YAP1: variants seen among roughly 807,000 people sequenced by gnomAD.
The protein encoded by YAP1 is Yes1 associated transcriptional regulator, also known as transcriptional coactivator YAP1.
Under a neutral mutation model 56.9 loss-of-function variants are expected in YAP1, and 5 were observed. The observed-to-expected ratio is 0.09, with a 90% CI of 0.05 to 0.18. The LOEUF is 0.18. Ranked by LOEUF, YAP1 falls within the 10% of genes least tolerant of loss-of-function variation. The pLI, the probability that YAP1 is intolerant of heterozygous loss-of-function variation, is 1.00. For missense variants in YAP1, 539 were observed against 651.8 expected, an observed-to-expected ratio of 0.83 and a Z score of 1.88; for synonymous variants, 265 against 248.1, an observed-to-expected ratio of 1.07 and a Z score of -0.64.
At chr11:102,174,070 A>G (rs1459463071) in intron 3 of YAP1, among the ~76,000 whole-genome samples, 4 of 152,142 alleles carry the variant, frequency 2.6e-5, no homozygotes, top group African/African-American at 4.8e-5. Flanking sequence ...ATTTCTAACA[A>G]TTTTCTGGTG....
chr11:102,224,165 C>G (rs1056105900), intron 7 of YAP1, among the ~76,000 whole-genome samples: 17 of 152,196 alleles, frequency 1.1e-4, no homozygotes, highest in Admixed American at 6.5e-5. Context: ...AAACGTTTCA[C>G]CCAGCAGCAC....
intron 3 of YAP1, among the ~76,000 whole-genome samples, chr11:102,180,990 A>C (rs545307658): frequency 1.3e-5 from 2 of 151,894 alleles, no homozygotes; most frequent in South Asian, 4.2e-4. Context: ...CTACAGAAAA[A>C]TTTAAAAAAT....
intron 3 of YAP1, among the ~76,000 whole-genome samples, chr11:102,166,619 C>T (rs1591295629): frequency 6.6e-6 from 1 of 152,196 alleles, no homozygotes; most frequent in Non-Finnish European, 1.5e-5. Flanking sequence ...AGAAAAGTTT[C>T]ACCCTGAAGG....
At chr11:102,187,556 G>A (rs1033012884) in intron 4 of YAP1, among the ~76,000 whole-genome samples, 1 of 152,138 alleles carries the variant, frequency 6.6e-6, no homozygotes, top group African/African-American at 2.4e-5. Context: ...AATGAATTCA[G>A]TTTCTCCACA....
In YAP1 at chr11:102,114,254, C is replaced by G. The variant is rs764097881; in HGVS notation, c.432C>G (p.Pro144=). ...LGAVSPGTLT[P]TGVVSGPAAT... is the part of the protein sequence containing the mutation. The stretch of plus-strand genomic sequence containing the variant: ...CTGTTTCTCCTGGGACACTGACCCC[C>G]ACTGGAGTAGTCTCTGGCCCAGCAG... The change falls in exon 2 of 9, where the codon CCC becomes CCG. Residue 144 remains proline, a synonymous_variant. Coordinates refer to ENST00000282441, the MANE Select transcript of YAP1 (RefSeq NM_001130145.3). 6.2e-7 allele frequency: 1 copy of G among 1,614,186 alleles called. No individual in the cohort carries two copies. Among genetic ancestry groups the G allele is most frequent in the South Asian group, 1.1e-5 (1 of 91,082 alleles).
intron 2 of YAP1, among the ~76,000 whole-genome samples, chr11:102,144,878 ATACACACACTCATGCT>A (rs1022880952): frequency 1.2e-4 from 4 of 34,282 alleles, no homozygotes; most frequent in African/African-American, 2.2e-4. Context: ...ACACACACAC[ATACACACACTCATGCT>A]CACACACTCA....
chr11:102,204,501 A>G (rs1949025391), intron 4 of YAP1, among the ~76,000 whole-genome samples: 1 of 152,248 alleles, frequency 6.6e-6, no homozygotes, highest in Non-Finnish European at 1.5e-5. Flanking sequence ...GTCAGTAGAC[A>G]ATATGGAAAA....
chr11:102,113,041 CTT>C (rs1943059183), intron 1 of YAP1, among the ~76,000 whole-genome samples: 1 of 152,118 alleles, frequency 6.6e-6, no homozygotes, highest in South Asian at 2.1e-4. Flanking sequence ...GTAAATTCGA[CTT>C]TTATTTCTCC....
At chr11:102,195,344 T>G (rs569453048) in intron 4 of YAP1, among the ~76,000 whole-genome samples, 1 of 152,336 alleles carries the variant, frequency 6.6e-6, no homozygotes, top group African/African-American at 2.4e-5. Context: ...AATGAATTTT[T>G]ATGGTTGGAG....
intron 6 of YAP1, among the ~76,000 whole-genome samples, chr11:102,216,352 C>A (rs1420325942): frequency 2.0e-5 from 3 of 151,954 alleles, no homozygotes; most frequent in African/African-American, 7.3e-5. Flanking sequence ...AAAAAAAAAT[C>A]TTAATATGGG....
intron 2 of YAP1, among the ~76,000 whole-genome samples, chr11:102,143,921 G>A (rs1413167011): frequency 6.6e-6 from 1 of 152,220 alleles, no homozygotes; most frequent in Non-Finnish European, 1.5e-5. Context: ...GGAATGATAA[G>A]CAATAGGAAT....
chr11:102,196,725 A>G (rs1026747650), intron 4 of YAP1, among the ~76,000 whole-genome samples: 2 of 151,608 alleles, frequency 1.3e-5, no homozygotes, highest in Non-Finnish European at 2.9e-5. Context: ...CAGACAGTAC[A>G]TGTAACAAGG....
At chr11:102,138,093 GC>G (rs1301047541) in intron 2 of YAP1, among the ~76,000 whole-genome samples, 1 of 152,138 alleles carries the variant, frequency 6.6e-6, no homozygotes, top group Non-Finnish European at 1.5e-5. Flanking sequence ...CGCCATGTTG[GC>G]CAGGCTGGTC....
At chr11:102,197,160 C>A (rs1243193904) in intron 4 of YAP1, among the ~76,000 whole-genome samples, 1 of 152,024 alleles carries the variant, frequency 6.6e-6, no homozygotes, top group Admixed American at 6.5e-5. Flanking sequence ...TGAGTACACT[C>A]GTAGGTATGA....
chr11:102,222,870 T>G (rs2135699145), intron 6 of YAP1, among the ~76,000 whole-genome samples: 1 of 151,908 alleles, frequency 6.6e-6, no homozygotes, highest in Middle Eastern at 3.4e-3. Context: ...TACTTCTTTT[T>G]TTTTGGCGGG....
chr11:102,130,206 T>C lies in YAP1; in HGVS notation c.572+15812T>C, dbSNP rs186266209. On this transcript the variant is annotated intron_variant, in intron 2 of 8. Transcript: ENST00000282441. ...TCAATATTTTTCTGAGTCAAAAATA[T>C]TGAATGGTGTGAGGAAGAGTGGAAC... is the stretch of plus-strand genomic sequence containing the variant. Among the ~76,000 whole-genome samples the C allele has an allele frequency of 1.3e-4, 20 of 152,106 alleles. No individual in the cohort carries two copies. In the East Asian group the frequency reaches 2.9e-3, roughly 22 times the overall value.
intron 3 of YAP1, among the ~76,000 whole-genome samples, chr11:102,164,155 A>C (rs1053176959): frequency 6.6e-6 from 1 of 151,526 alleles, no homozygotes; most frequent in Non-Finnish European, 1.5e-5. Flanking sequence ...CTCGCGCCTC[A>C]GCCTCCCGAG....
At chr11:102,186,304 G>C in intron 4 of YAP1, 173 bp downstream of exon 4, 7 of 723,534 alleles carry the variant, frequency 9.7e-6, no homozygotes, top group Non-Finnish European at 1.5e-5. Flanking sequence ...GTAAACTTGA[G>C]AAATTTAGAT....
chr11:102,138,689 T>C (rs1416816064), intron 2 of YAP1, among the ~76,000 whole-genome samples: 1 of 152,226 alleles, frequency 6.6e-6, no homozygotes, highest in African/African-American at 2.4e-5. Flanking sequence ...TTGAGAAAAG[T>C]GTTCATTGTT....
Sources: gnomAD v4.1 joint callset for allele counts (sites outside exome capture counted in the v4.1 genomes callset) on GRCh38, gnomAD v4.1.1 for gene constraint, MANE v1.5 for transcripts, NCBI Gene and HGNC (gene_info 2026-07-23, HGNC 2026-07-21) for gene names.